The following RIN2 variants were observed in gnomAD, a reference collection of about 807,000 sequenced individuals.
RIN2 encodes the protein RAB5 interacting protein 2.
In RIN2, 36 loss-of-function variants were observed where a neutral mutation model predicts 78.0. That is an observed-to-expected ratio of 0.46 (90% CI 0.35 to 0.61). The LOEUF is 0.61. Among genes scored for constraint, RIN2 ranks in the 20% least tolerant of loss-of-function variants. RIN2 has a pLI of 0.00. For missense variants in RIN2, 1,087 were observed against 1,159.7 expected (o/e 0.94, Z 0.91); for synonymous variants, 466 against 466.8 (o/e 1.00, Z 0.02).
chr20:19,761,196 T>C (rs545715929), intron 1 of RIN2, among the ~76,000 whole-genome samples: 2 of 152,324 alleles, frequency 1.3e-5, no homozygotes, highest in East Asian at 3.9e-4. Flanking sequence ...TTGCATTTTG[T>C]AGGTGAGGAA....
At chr20:19,956,340 T>A (rs1426510772) in intron 4 of RIN2, among the ~76,000 whole-genome samples, 2 of 151,860 alleles carry the variant, frequency 1.3e-5, no homozygotes, top group Non-Finnish European at 2.9e-5. Flanking sequence ...AAATGGCATT[T>A]AGGATGCTTA....
chr20:19,842,061 G>C (rs376466033), intron 2 of RIN2, among the ~76,000 whole-genome samples: 7 of 152,222 alleles, frequency 4.6e-5, no homozygotes, highest in African/African-American at 1.4e-4. Context: ...GGCTAATGCA[G>C]TTGGCAACCT....
chr20:19,828,283 A>G (rs541794400), intron 2 of RIN2, among the ~76,000 whole-genome samples: 1 of 152,180 alleles, frequency 6.6e-6, no homozygotes, highest in Non-Finnish European at 1.5e-5. Context: ...TTCCTCTTAC[A>G]ATGCCTCTCA....
chr20:19,997,576 C>T (rs80231687), intron 12 of RIN2, among the ~76,000 whole-genome samples: 4 of 152,064 alleles, frequency 2.6e-5, no homozygotes, highest in African/African-American at 4.8e-5. Context: ...CTGGCCAACA[C>T]GGTGAAACCC....
chr20:19,771,374 C>T (rs1248476703), intron 1 of RIN2, among the ~76,000 whole-genome samples: 1 of 152,208 alleles, frequency 6.6e-6, no homozygotes, highest in African/African-American at 2.4e-5. Flanking sequence ...GGGTTAAAGA[C>T]CAGGTATATG....
At chr20:19,987,935 G>A (rs1386338809) in intron 9 of RIN2, among the ~76,000 whole-genome samples, 1 of 152,190 alleles carries the variant, frequency 6.6e-6, no homozygotes, top group Non-Finnish European at 1.5e-5. Context: ...GGAATCTGAT[G>A]ATTGTGGGGT....
At chr20:19,772,996 G>A (rs4814895) in intron 1 of RIN2, among the ~76,000 whole-genome samples, 79,368 of 152,020 alleles carry the variant, frequency 0.52, 20,880 homozygotes, top group Non-Finnish European at 0.54. Context: ...AAGGTGGCTC[G>A]AAACAACAGA....
intron 2 of RIN2, among the ~76,000 whole-genome samples, chr20:19,824,844 G>A (rs1162039274): frequency 1.3e-5 from 2 of 152,130 alleles, no homozygotes; most frequent in African/African-American, 4.8e-5. Flanking sequence ...AGGAGCATTC[G>A]AAGGCCACCC....
chr20:19,847,489 G>C (rs1043039725), intron 2 of RIN2, among the ~76,000 whole-genome samples: 3 of 152,202 alleles, frequency 2.0e-5, no homozygotes, highest in Non-Finnish European at 4.4e-5. Flanking sequence ...GGCTCAACAA[G>C]AGGGTAGAGG....
chr20:19,914,509 C>A (rs1217196800), intron 3 of RIN2, among the ~76,000 whole-genome samples: 1 of 152,130 alleles, frequency 6.6e-6, no homozygotes, highest in East Asian at 1.9e-4. Flanking sequence ...TGAAGCTGGG[C>A]AGCTGAATTA....
chr20:19,845,832 G>C (rs1453607092), intron 2 of RIN2, among the ~76,000 whole-genome samples: 3 of 152,052 alleles, frequency 2.0e-5, no homozygotes, highest in African/African-American at 7.2e-5. Context: ...TATTGCCTAG[G>C]TTTTATTCTA....
intron 1 of RIN2, among the ~76,000 whole-genome samples, chr20:19,773,479 G>A (rs1277920494): frequency 1.3e-5 from 2 of 152,178 alleles, no homozygotes; most frequent in African/African-American, 2.4e-5. Context: ...AGGGCTGGGT[G>A]TGAGTTGCCT....
In RIN2 at chr20:19,984,976, G is replaced by A. The variant is rs146743751; in HGVS notation, c.1763-5030G>A. ...GACTGCTGGCTCTGTCTTGCCTTCTGTGGACAATGATTCTGATGGCTGTCC... is the reference window on the plus strand; with the variant it reads ...GACTGCTGGCTCTGTCTTGCCTTCTATGGACAATGATTCTGATGGCTGTCC... On this transcript the variant is annotated intron_variant, in intron 9 of 12. Coordinates refer to ENST00000255006, the MANE Select transcript of RIN2 (RefSeq NM_018993.4). 4.3e-3 allele frequency among the ~76,000 whole-genome samples: 648 copies of A among 152,284 alleles called. 16 individuals are homozygous for A. Among genetic ancestry groups the A allele is most frequent in the Admixed American group, 0.037 (572 of 15,298 alleles).
chr20:19,928,939 C>T (rs760588546), intron 3 of RIN2, among the ~76,000 whole-genome samples: 4 of 152,172 alleles, frequency 2.6e-5, no homozygotes, highest in African/African-American at 4.8e-5. Context: ...GCAAGACCTC[C>T]GTTGAGGTCT....
chr20:19,991,480 C>T (rs1175002419), intron 10 of RIN2, among the ~76,000 whole-genome samples: 4 of 152,156 alleles, frequency 2.6e-5, no homozygotes, highest in Admixed American at 1.3e-4. Context: ...TAGCAGCATT[C>T]CAGATGTCAT....
At chr20:19,993,009 T>C (rs2042843249) in intron 11 of RIN2, among the ~76,000 whole-genome samples, 1 of 152,214 alleles carries the variant, frequency 6.6e-6, no homozygotes, top group African/African-American at 2.4e-5. Flanking sequence ...TTCGGGTTCC[T>C]TCTCCTTGTG....
At chr20:19,858,468 G>A (rs574670140) in intron 2 of RIN2, among the ~76,000 whole-genome samples, 25 of 152,284 alleles carry the variant, frequency 1.6e-4, no homozygotes, top group African/African-American at 5.1e-4. Context: ...TCTGCATTGC[G>A]TCTCTTAGAG....
intron 1 of RIN2, among the ~76,000 whole-genome samples, chr20:19,767,137 G>T (rs1367939329): frequency 1.3e-5 from 2 of 152,178 alleles, no homozygotes; most frequent in Non-Finnish European, 2.9e-5. Context: ...AAATACAGGG[G>T]AAATTGTGTT....
At chr20:19,900,115 G>C (rs780942574) in intron 3 of RIN2, among the ~76,000 whole-genome samples, 2 of 152,218 alleles carry the variant, frequency 1.3e-5, no homozygotes, top group Admixed American at 6.5e-5. Context: ...ATGCAAGAAT[G>C]AATGTGGGTT....
Sources: allele counts gnomAD v4.1 joint callset (sites outside exome capture counted in the v4.1 genomes callset), GRCh38; gene constraint gnomAD v4.1.1; transcripts MANE v1.5; gene names NCBI Gene and HGNC (gene_info 2026-07-23, HGNC 2026-07-21).